The following ADAMTS9 variants were observed in gnomAD, a reference collection of about 807,000 sequenced individuals.
ADAMTS9 encodes A disintegrin and metalloproteinase with thrombospondin motifs 9.
In ADAMTS9, 107 loss-of-function variants were observed where a neutral mutation model predicts 257.1. The ratio of observed to expected loss-of-function variants is 0.42; its 90% CI spans 0.36 to 0.49. ADAMTS9 has a LOEUF of 0.49. Ranked by LOEUF, ADAMTS9 falls within the 20% of genes least tolerant of loss-of-function variation. The probability of loss-of-function intolerance (pLI) is 0.03; values close to 1 mark genes in which losing one functional copy is unlikely to be tolerated. For missense variants in ADAMTS9, 2,353 were observed against 2,469.1 expected (o/e 0.95, Z 1.00); for synonymous variants, 982 against 880.9 (o/e 1.11, Z -2.03).
intron 31 of ADAMTS9, among the ~76,000 whole-genome samples, chr3:64,549,239 C>A (rs977314873): frequency 1.3e-5 from 2 of 152,198 alleles, no homozygotes; most frequent in African/African-American, 4.8e-5. Flanking sequence ...TGCAAATTTA[C>A]AGAAATGTGG....
At chr3:64,551,300 T>C (rs767711432) in intron 30 of ADAMTS9, among the ~76,000 whole-genome samples, 2 of 152,110 alleles carry the variant, frequency 1.3e-5, no homozygotes, top group Non-Finnish European at 2.9e-5. Flanking sequence ...AGCTCTGCCT[T>C]CCGGGTTCAC....
In ADAMTS9 at chr3:64,597,003, A is replaced by G; in HGVS notation, c.4018-12T>C. 2 of 1,613,316 alleles carry G rather than the reference A, an allele frequency of 1.2e-6. No individual in the cohort carries two copies. Among genetic ancestry groups the G allele is most frequent in the Non-Finnish European group, 1.7e-6 (2 of 1,179,634 alleles). ...CAGGTACTGGAACACTAAACACATC[A>G]GTCGACAAGTTAATCCCCACCTCAA... is the stretch of plus-strand genomic sequence containing the variant. On this transcript the variant is annotated splice_polypyrimidine_tract_variant and intron_variant, in intron 26 of 39. Transcript: ENST00000498707.
chr3:64,544,170 A>G lies in ADAMTS9; in HGVS notation c.5065-2200T>C, dbSNP rs535031670. 4.2e-3 allele frequency among the ~76,000 whole-genome samples: 638 copies of G among 151,980 alleles called. 6 individuals are homozygous for G. The highest frequency in any genetic ancestry group is 0.014 in the African/African-American group (578 of 41,278). ...CTCATGGATAGGAAGAATCAATATC[A>G]TGAACATGGCCATACTGCCCAAGGT... On this transcript the variant is annotated intron_variant, in intron 32 of 39. Coordinates refer to ENST00000498707, the MANE Select transcript of ADAMTS9 (RefSeq NM_182920.2).
intron 30 of ADAMTS9, 187 bp downstream of exon 30, chr3:64,561,391 T>G (rs2083419735): frequency 3.9e-6 from 2 of 509,298 alleles, no homozygotes. Flanking sequence ...AGGAATTGCT[T>G]AAAAACAAGA....
chr3:64,559,884 G>A (rs970090883), intron 30 of ADAMTS9, among the ~76,000 whole-genome samples: 2 of 152,274 alleles, frequency 1.3e-5, no homozygotes, highest in East Asian at 1.9e-4. Context: ...TCCGCTCCTC[G>A]GAGCAGGGTT....
At chr3:64,584,945 A>G (rs534989416) in intron 28 of ADAMTS9, among the ~76,000 whole-genome samples, 1 of 152,246 alleles carries the variant, frequency 6.6e-6, no homozygotes, top group South Asian at 2.1e-4. Context: ...AAATAATCCT[A>G]TGCCTTTCTT....
intron 12 of ADAMTS9, among the ~76,000 whole-genome samples, chr3:64,640,251 C>A (rs1172309758): frequency 6.6e-6 from 1 of 152,180 alleles, no homozygotes; most frequent in Non-Finnish European, 1.5e-5. Flanking sequence ...AATTAATCAT[C>A]ATCTGTGATT....
intron 3 of ADAMTS9, among the ~76,000 whole-genome samples, chr3:64,676,181 C>T (rs1335897188): frequency 6.6e-6 from 1 of 152,158 alleles, no homozygotes; most frequent in African/African-American, 2.4e-5. Flanking sequence ...GTTATTGAGA[C>T]TGCCTCATTC....
chr3:64,662,357 TCA>T (rs1559817299), intron 3 of ADAMTS9, among the ~76,000 whole-genome samples: 2 of 152,158 alleles, frequency 1.3e-5, no homozygotes, highest in Non-Finnish European at 2.9e-5. Context: ...TGTTTCATGT[TCA>T]CCTCAGAATA....
Position 64,632,075 on chromosome 3 carries a change from C to T in ADAMTS9, c.2176-150G>A, listed in dbSNP as rs140478520. 4.6e-6 allele frequency: 3 copies of T among 653,394 alleles called. No homozygotes were observed. In the African/African-American group the frequency reaches 5.5e-5, roughly 12 times the overall value. 40.5% of individuals were successfully genotyped at this position (653,394 alleles called of 1,614,324 possible). A position where few individuals can be genotyped will look rare whatever the true frequency, so the allele number is the denominator to read the frequency against. ...AAAGGTTGAAAACTGAAATTATATA[C>T]TGCCTTGCTATTTAAAATGTGGTCC... On this transcript the variant is annotated intron_variant, in intron 14 of 39. Coordinates refer to ENST00000498707, the MANE Select transcript of ADAMTS9 (RefSeq NM_182920.2).
intron 32 of ADAMTS9, among the ~76,000 whole-genome samples, chr3:64,543,312 A>C (rs1309927930): frequency 2.0e-5 from 3 of 152,144 alleles, no homozygotes; most frequent in African/African-American, 2.4e-5. Flanking sequence ...GAGACACAAC[A>C]AAAAAAGAGA....
Position 64,686,494 on chromosome 3 carries a change from T to C in ADAMTS9, c.516+74A>G. On this transcript the variant is annotated intron_variant, in intron 2 of 39. Coordinates refer to ENST00000498707, the MANE Select transcript of ADAMTS9 (RefSeq NM_182920.2). The surrounding 1 kb of genome is among the most constrained non-coding windows in gnomAD (Gnocchi z 4.6). ...CTCGCCACAGTGAGGGTCTCTAGGC[T>C]TAGAGGACAATTAAGTCTTCTAGAA... The C allele has an allele frequency of 6.7e-7, 1 of 1,482,658 alleles. No individual in the cohort carries two copies. Among genetic ancestry groups the C allele is most frequent in the Non-Finnish European group, 9.0e-7 (1 of 1,109,698 alleles). 91.8% of individuals were successfully genotyped at this position (1,482,658 alleles called of 1,614,324 possible).
At chr3:64,622,700 T>C (rs375963956) in intron 16 of ADAMTS9, 114 bp from the exon 17 acceptor site, 6 of 1,157,084 alleles carry the variant, frequency 5.2e-6, no homozygotes, top group East Asian at 2.5e-5. Context: ...TGGGGACTTT[T>C]GAGGCAGACA....
intron 3 of ADAMTS9, among the ~76,000 whole-genome samples, chr3:64,664,821 A>T (rs75819258): frequency 3.7e-3 from 559 of 152,306 alleles, no homozygotes; most frequent in Admixed American, 6.1e-3. Context: ...CAGTAACTCT[A>T]TGTATAACAT....
chr3:64,579,111 T>C (rs2083929058), intron 28 of ADAMTS9, among the ~76,000 whole-genome samples: 1 of 152,196 alleles, frequency 6.6e-6, no homozygotes, highest in Non-Finnish European at 1.5e-5. Flanking sequence ...CTCCTTCCTC[T>C]ACTTGCCCAA....
chr3:64,652,360 T>A (rs781767531), intron 8 of ADAMTS9, among the ~76,000 whole-genome samples: 1 of 152,242 alleles, frequency 6.6e-6, no homozygotes, highest in African/African-American at 2.4e-5. Flanking sequence ...AACTTAGAAA[T>A]AGTTCTTAAA....
intron 3 of ADAMTS9, among the ~76,000 whole-genome samples, chr3:64,678,460 A>T (rs140827337): frequency 1.4e-3 from 215 of 152,302 alleles, no homozygotes; most frequent in African/African-American, 5.1e-3. Flanking sequence ...CACTATTAAA[A>T]CCACTGATTC....
intron 12 of ADAMTS9, among the ~76,000 whole-genome samples, chr3:64,638,613 G>A (rs1700559050): frequency 6.6e-6 from 1 of 152,044 alleles, no homozygotes; most frequent in African/African-American, 2.4e-5. Context: ...AAAAAATAAA[G>A]CACTTAAAGA....
chr3:64,603,868 T>C, intron 25 of ADAMTS9, 54 bp downstream of exon 25: 3 of 1,595,364 alleles, frequency 1.9e-6, no homozygotes, highest in South Asian at 1.1e-5. Flanking sequence ...TGACTCCTCA[T>C]AGCCCTCAAT....
Sources: allele counts gnomAD v4.1 joint callset (sites outside exome capture counted in the v4.1 genomes callset), GRCh38; gene constraint gnomAD v4.1.1; non-coding constraint Gnocchi (gnomAD v3.1); transcripts MANE v1.5; gene names NCBI Gene and HGNC (gene_info 2026-07-23, HGNC 2026-07-21).